PLXNA4: variants seen among roughly 807,000 people sequenced by gnomAD.
PLXNA4 encodes the protein plexin-A4.
PLXNA4 carries 44 observed loss-of-function variants against 191.8 expected under a neutral mutation model. The observed-to-expected ratio is 0.23, with a 90% CI of 0.18 to 0.29. The LOEUF (loss-of-function observed/expected upper bound fraction) is 0.29, where lower values mean the gene tolerates loss of function less well. Ranked by LOEUF, PLXNA4 falls within the 10% of genes least tolerant of loss-of-function variation. The pLI is 1.00. For missense variants in PLXNA4, 1,800 were observed against 2,488.8 expected (o/e 0.72, Z 5.89); for synonymous variants, 1,082 against 1,009.5 (o/e 1.07, Z -1.36).
rs749947062 is a variant in PLXNA4 at position 132,311,156 on chromosome 7, T to TTGTGTGTGTGTG, written c.1372-12946_1372-12935dup. ...CCAGTTCCTGGGCTATCTAGGATAA[T>TTGTGTGTGTGTG]TGTGTGTGTGTGTGTGTGTGTGTGT... On this transcript the variant is annotated intron_variant, in intron 3 of 31. Coordinates refer to ENST00000321063, the MANE Select transcript of PLXNA4 (RefSeq NM_020911.2). Among the ~76,000 whole-genome samples, 905 of 132,090 alleles carry TTGTGTGTGTGTG rather than the reference T, an allele frequency of 6.9e-3. 5 individuals carry two copies. Among genetic ancestry groups the TTGTGTGTGTGTG allele is most frequent in the East Asian group, 0.017 (77 of 4,452 alleles). 86.7% of individuals were successfully genotyped at this position (132,090 alleles called of 152,430 possible).
intron 4 of PLXNA4, among the ~76,000 whole-genome samples, chr7:132,254,932 CCTGGGGTGGAG>C (rs1382896096): frequency 1.3e-5 from 2 of 151,928 alleles, no homozygotes; most frequent in African/African-American, 2.4e-5. Flanking sequence ...AATTGCTGGC[CCTGGGGTGGAG>C]ATGGGGTAGG....
At chr7:132,187,851 G>A (rs898381302) in intron 14 of PLXNA4, among the ~76,000 whole-genome samples, 1 of 152,064 alleles carries the variant, frequency 6.6e-6, no homozygotes, top group Non-Finnish European at 1.5e-5. Context: ...TATTTTTTAA[G>A]TGTCAGATTG....
At chr7:132,454,806 C>T (rs1314104078) in intron 3 of PLXNA4, among the ~76,000 whole-genome samples, 5 of 151,974 alleles carry the variant, frequency 3.3e-5, no homozygotes, top group Non-Finnish European at 7.4e-5. Context: ...GAGAAGCCAG[C>T]CCTGCCTATA....
rs1057202090 is a variant in PLXNA4, at chr7:132,124,840, C to A, written c.*5639G>T. ...CCTCTGCCAATACAAACAGAAAGTTCTTTTTGTATATGAAGGATTTTGTTT... is the reference window on the plus strand; with the variant it reads ...CCTCTGCCAATACAAACAGAAAGTTATTTTTGTATATGAAGGATTTTGTTT... On this transcript the variant is annotated 3_prime_UTR_variant, in exon 32 of 32. Coordinates refer to ENST00000321063, the MANE Select transcript of PLXNA4 (RefSeq NM_020911.2). 1.3e-5 allele frequency: 2 copies of A among 152,222 alleles called. No individual in the cohort carries two copies. Among genetic ancestry groups the A allele is most frequent in the Non-Finnish European group, 2.9e-5 (2 of 68,034 alleles). The allele number at this position is 152,222 out of a possible 1,614,324, so 9.4% of individuals were successfully genotyped here. A position where few individuals can be genotyped will look rare whatever the true frequency, so the allele number is the denominator to read the frequency against.
At chr7:132,562,292 TCTC>T (rs530799874) in intron 1 of PLXNA4, among the ~76,000 whole-genome samples, 4 of 87,738 alleles carry the variant, frequency 4.6e-5, no homozygotes, top group East Asian at 4.4e-4. Flanking sequence ...TCCTCCTCCT[TCTC>T]CTCCTTCTCC....
intron 1 of PLXNA4, among the ~76,000 whole-genome samples, chr7:132,545,078 T>A (rs1274528722): frequency 6.6e-6 from 1 of 152,164 alleles, no homozygotes; most frequent in Non-Finnish European, 1.5e-5. Flanking sequence ...ATGTATTTTT[T>A]TTCTCCCTAT....
intron 1 of PLXNA4, among the ~76,000 whole-genome samples, chr7:132,544,351 A>G (rs80000737): frequency 0.019 from 2,945 of 152,316 alleles, 108 homozygotes; most frequent in African/African-American, 0.067. Flanking sequence ...CCTCTTGGAG[A>G]GTCAGAGAGC....
chr7:132,462,317 C>T (rs1232104592), intron 3 of PLXNA4, among the ~76,000 whole-genome samples: 1 of 151,968 alleles, frequency 6.6e-6, no homozygotes, highest in Non-Finnish European at 1.5e-5. Context: ...ACCCACATAG[C>T]ATAATTAACA....
At chr7:132,178,574 A>G (rs956184053) in intron 20 of PLXNA4, among the ~76,000 whole-genome samples, 7 of 152,194 alleles carry the variant, frequency 4.6e-5, no homozygotes, top group Non-Finnish European at 7.4e-5. Flanking sequence ...CTGCTTGGGT[A>G]TGGGTGTGGT....
intron 2 of PLXNA4, among the ~76,000 whole-genome samples, chr7:132,586,566 C>G (rs1462796960): frequency 6.6e-6 from 1 of 152,154 alleles, no homozygotes; most frequent in African/African-American, 2.4e-5. Flanking sequence ...GCCTGGGCAA[C>G]ATGATGAAGC....
chr7:132,338,550 T>C (rs1802904848), intron 3 of PLXNA4, among the ~76,000 whole-genome samples: 1 of 152,218 alleles, frequency 6.6e-6, no homozygotes, highest in Non-Finnish European at 1.5e-5. Flanking sequence ...AGTGCAGTAA[T>C]TACTCAGATA....
At chr7:132,222,252 G>T (rs1798169153) in intron 9 of PLXNA4, among the ~76,000 whole-genome samples, 1 of 152,212 alleles carries the variant, frequency 6.6e-6, no homozygotes, top group Non-Finnish European at 1.5e-5. Flanking sequence ...TTTTCTGATG[G>T]CTAAGCACAG....
chr7:132,298,734 G>A (rs903519125), intron 3 of PLXNA4, among the ~76,000 whole-genome samples: 3 of 152,216 alleles, frequency 2.0e-5, no homozygotes, highest in African/African-American at 7.2e-5. Flanking sequence ...CACACTAAGG[G>A]TCTCTTTTTT....
At chr7:132,577,946 C>T (rs1254447389), upstream of PLXNA4, among the ~76,000 whole-genome samples, 1 of 152,170 alleles carries the variant, frequency 6.6e-6, no homozygotes, top group African/African-American at 2.4e-5. Flanking sequence ...GCCAGTGCCC[C>T]AGAGCTGGCT....
At chr7:132,645,454 T>C (rs962563376) in intron 2 of PLXNA4, among the ~76,000 whole-genome samples, 36 of 152,218 alleles carry the variant, frequency 2.4e-4, no homozygotes, top group Non-Finnish European at 2.9e-4. Context: ...ATTGTAAGTT[T>C]CCTGAGGCCT....
At chr7:132,259,482 G>GAAAAAAAAAAAAAAAAAAAAAA (rs1414792493) in intron 4 of PLXNA4, among the ~76,000 whole-genome samples, 2 of 111,360 alleles carry the variant, frequency 1.8e-5, no homozygotes, top group Non-Finnish European at 3.6e-5. Context: ...AAGAAAAAAG[G>GAAAAAAAAAAAAAAAAAAAAAA]AAAAAAGAAA....
chr7:132,193,021 A>T lies in PLXNA4; in HGVS notation c.2856+1041T>A, dbSNP rs376280765. 3.3e-5 allele frequency among the ~76,000 whole-genome samples: 5 copies of T among 152,104 alleles called. No homozygotes were observed. The East Asian group carries it at 9.7e-4, about 29-fold the overall frequency. ...GCAGGTGAGAGGTGGGCAGGGGTTA[A>T]TGAGGTCATGAAATAGGGATAATGG... On this transcript the variant is annotated intron_variant, in intron 14 of 31. Coordinates refer to ENST00000321063, the MANE Select transcript of PLXNA4 (RefSeq NM_020911.2).
chr7:132,444,767 G>A (rs1469244756), intron 3 of PLXNA4, among the ~76,000 whole-genome samples: 3 of 152,130 alleles, frequency 2.0e-5, no homozygotes, highest in Non-Finnish European at 4.4e-5. Context: ...CCACACCTGA[G>A]TGGTCTGCTG....
intron 30 of PLXNA4, 32 bp from the exon 31 acceptor site, chr7:132,133,231 AGTC>A (rs747460338): frequency 6.2e-7 from 1 of 1,610,378 alleles, no homozygotes; most frequent in East Asian, 2.2e-5. Context: ...GAGAAGCTGA[AGTC>A]GTGCATACGG....
Sources: gnomAD v4.1 joint callset for allele counts (sites outside exome capture counted in the v4.1 genomes callset) on GRCh38, gnomAD v4.1.1 for gene constraint, MANE v1.5 for transcripts, NCBI Gene and HGNC (gene_info 2026-07-23, HGNC 2026-07-21) for gene names.